Variants in NCAM2 observed in about 807,000 individuals in gnomAD.
The protein encoded by NCAM2 is N-CAM-2.
Under a neutral mutation model 98.1 loss-of-function variants are expected in NCAM2, and 30 were observed. That is an observed-to-expected ratio of 0.31 (90% CI 0.23 to 0.41). The LOEUF is 0.41. NCAM2 is among the 10% of genes least tolerant of loss of function. The pLI, the probability that NCAM2 is intolerant of heterozygous loss-of-function variation, is 1.00. For missense variants in NCAM2, 867 were observed against 1,005.8 expected (o/e 0.86, Z 1.87); for synonymous variants, 368 against 342.4 (o/e 1.07, Z -0.83).
intron 12 of NCAM2, among the ~76,000 whole-genome samples, chr21:21,441,156 G>T (rs1171015587): frequency 6.6e-6 from 1 of 151,968 alleles, no homozygotes. Context: ...TCACCTTCAG[G>T]TAAACTTTAA....
At chr21:21,270,356 A>G (rs1004406075) in intron 1 of NCAM2, among the ~76,000 whole-genome samples, 2 of 152,202 alleles carry the variant, frequency 1.3e-5, no homozygotes, top group Non-Finnish European at 2.9e-5. Context: ...TGGTTGACTC[A>G]TGACTCAGAC....
Position 21,264,684 on chromosome 21 carries a change from TACAC to T in NCAM2, c.56-15888_56-15885del, listed in dbSNP as rs1010618625. Among the ~76,000 whole-genome samples, 232 of 149,718 alleles carry T rather than the reference TACAC, an allele frequency of 1.5e-3. 2 individuals carry two copies. Among genetic ancestry groups the T allele is most frequent in the Admixed American group, 0.013 (191 of 14,976 alleles). ...ATATATATACACACACACACATATA[TACAC>T]ACACATACATACACACACATACATC... On this transcript the variant is annotated intron_variant, in intron 1 of 17. Transcript: ENST00000400546.
At chr21:21,197,275 G>T (rs117155003) in intron 1 of NCAM2, among the ~76,000 whole-genome samples, 2,513 of 152,170 alleles carry the variant, frequency 0.017, 56 homozygotes, top group South Asian at 0.1. Flanking sequence ...GATTGCAGGT[G>T]CCCAGCACCA....
At chr21:21,107,679 A>C (rs2146514130) in intron 1 of NCAM2, among the ~76,000 whole-genome samples, 1 of 152,276 alleles carries the variant, frequency 6.6e-6, no homozygotes, top group Non-Finnish European at 1.5e-5. Context: ...AAAGGGGCTT[A>C]CTGTGGTAAC....
intron 1 of NCAM2, among the ~76,000 whole-genome samples, chr21:21,104,398 C>T (rs2066303433): frequency 6.6e-6 from 1 of 152,046 alleles, no homozygotes; most frequent in Admixed American, 6.6e-5. Context: ...TTTCTAGTAC[C>T]TATTTTTTTT....
chr21:21,211,080 A>G (rs1424831564), intron 1 of NCAM2, among the ~76,000 whole-genome samples: 4 of 152,008 alleles, frequency 2.6e-5, no homozygotes, highest in Non-Finnish European at 5.9e-5. Flanking sequence ...TGCTAAATAC[A>G]TTTTAAGAAT....
chr21:21,295,925 C>A (rs1360094208), intron 5 of NCAM2, among the ~76,000 whole-genome samples: 2 of 151,562 alleles, frequency 1.3e-5, no homozygotes, highest in Non-Finnish European at 2.9e-5. Flanking sequence ...CCTTGGTGTC[C>A]CTTTTCACTT....
At chr21:21,169,009 G>C (rs922659767) in intron 1 of NCAM2, among the ~76,000 whole-genome samples, 1 of 152,120 alleles carries the variant, frequency 6.6e-6, no homozygotes, top group Non-Finnish European at 1.5e-5. Context: ...GAAGAACAAA[G>C]TTGGAAGACT....
intron 9 of NCAM2, among the ~76,000 whole-genome samples, chr21:21,404,247 G>A (rs1200397912): frequency 6.6e-6 from 1 of 152,088 alleles, no homozygotes; most frequent in Admixed American, 6.6e-5. Context: ...ATCAACATAT[G>A]TCAATATATT....
chr21:21,106,314 C>CAAAAAAAAAAAA (rs202018731), intron 1 of NCAM2, among the ~76,000 whole-genome samples: 2,473 of 102,874 alleles, frequency 0.024, 74 homozygotes, highest in African/African-American at 0.037. Flanking sequence ...GTCTCAAAAG[C>CAAAAAAAAAAAA]AAAAAAAAAA....
intron 5 of NCAM2, among the ~76,000 whole-genome samples, chr21:21,313,692 T>G (rs1451598977): frequency 6.6e-6 from 1 of 152,050 alleles, no homozygotes; most frequent in Admixed American, 6.6e-5. Flanking sequence ...TTACACTTCA[T>G]TCAGATTTAC....
chr21:21,433,902 C>G (rs964743903), intron 12 of NCAM2, among the ~76,000 whole-genome samples: 1 of 151,256 alleles, frequency 6.6e-6, no homozygotes, highest in African/African-American at 2.4e-5. Context: ...AGCACAAGCA[C>G]ACAGAAAATT....
At chr21:21,449,253 A>G (rs1980653326) in intron 12 of NCAM2, among the ~76,000 whole-genome samples, 2 of 151,980 alleles carry the variant, frequency 1.3e-5, no homozygotes, top group Non-Finnish European at 2.9e-5. Context: ...AATGATATTA[A>G]TTTATGTAAG....
At chr21:21,248,629 T>G (rs1188246035) in intron 1 of NCAM2, among the ~76,000 whole-genome samples, 1 of 151,582 alleles carries the variant, frequency 6.6e-6, no homozygotes, top group Non-Finnish European at 1.5e-5. Context: ...ACAAAAAAAT[T>G]AGCTGGGCGT....
At chr21:21,278,985 GT>G (rs2072830949) in intron 1 of NCAM2, among the ~76,000 whole-genome samples, 1 of 152,036 alleles carries the variant, frequency 6.6e-6, no homozygotes, top group Non-Finnish European at 1.5e-5. Context: ...ATTTCACCAT[GT>G]GTTTTATAAT....
At chr21:21,163,687 G>A (rs963271458) in intron 1 of NCAM2, among the ~76,000 whole-genome samples, 1 of 152,068 alleles carries the variant, frequency 6.6e-6, no homozygotes, top group African/African-American at 2.4e-5. Flanking sequence ...TGTTTGCTGA[G>A]TGTCAGGAAC....
At chr21:21,129,698 AC>A (rs201804697) in intron 1 of NCAM2, among the ~76,000 whole-genome samples, 3,579 of 152,236 alleles carry the variant, frequency 0.024, 137 homozygotes, top group African/African-American at 0.081. Context: ...CGCTGTTGCC[AC>A]CTTTTAATAC....
At chr21:21,208,148 C>A (rs1288197700) in intron 1 of NCAM2, among the ~76,000 whole-genome samples, 1 of 152,004 alleles carries the variant, frequency 6.6e-6, no homozygotes, top group South Asian at 2.1e-4. Context: ...CAATCAGTTG[C>A]TAGAAAGAAT....
At chr21:21,237,530 T>G (rs2070881199) in intron 1 of NCAM2, among the ~76,000 whole-genome samples, 1 of 152,148 alleles carries the variant, frequency 6.6e-6, no homozygotes. Flanking sequence ...ATCTTTTAGC[T>G]TACCTTTCAG....
Sources: gnomAD v4.1 joint callset for allele counts (sites outside exome capture counted in the v4.1 genomes callset) on GRCh38, gnomAD v4.1.1 for gene constraint, MANE v1.5 for transcripts, NCBI Gene and HGNC (gene_info 2026-07-23, HGNC 2026-07-21) for gene names.